Variants in MAP3K7CL observed in about 807,000 individuals in gnomAD.
MAP3K7CL encodes the protein MAP3K7 C-terminal-like protein.
Under a neutral mutation model 18.6 loss-of-function variants are expected in MAP3K7CL, and 16 were observed. The ratio of observed to expected loss-of-function variants is 0.86; its 90% CI spans 0.58 to 1.31. The LOEUF (loss-of-function observed/expected upper bound fraction) is 1.31, where lower values mean the gene tolerates loss of function less well. Ranked by LOEUF, MAP3K7CL falls within the 50% of genes most tolerant of loss-of-function variation. MAP3K7CL has a pLI of 0.00. For synonymous variants in MAP3K7CL, 65 were observed against 66.8 expected, an observed-to-expected ratio of 0.97 and a Z score of 0.13; for missense variants, 163 against 174.4, an observed-to-expected ratio of 0.93 and a Z score of 0.37.
At chr21:29,139,607 C>G (rs1010217317) in intron 2 of MAP3K7CL, among the ~76,000 whole-genome samples, 3 of 151,452 alleles carry the variant, frequency 2.0e-5, no homozygotes, top group Non-Finnish European at 2.9e-5. Flanking sequence ...TTTTTTGAGA[C>G]GGAGTCTCAC....
At chr21:29,142,421 G>T (rs1360178771) in intron 2 of MAP3K7CL, among the ~76,000 whole-genome samples, 1 of 152,200 alleles carries the variant, frequency 6.6e-6, no homozygotes, top group African/African-American at 2.4e-5. Context: ...AAGACCTGAG[G>T]TTATGGCTGC....
In MAP3K7CL at chr21:29,175,456, C is replaced by G. The variant is rs2087945308; in HGVS notation, c.*564C>G. ...TACTAAGAATAAATGGTCACATATC[C>G]TAAAAGCTTCTTCATGAAATTATTA... On this transcript the variant is annotated 3_prime_UTR_variant, in exon 5 of 5. Coordinates refer to ENST00000399928, the MANE Select transcript of MAP3K7CL (RefSeq NM_001286620.2). 1 of 152,158 alleles carries G rather than the reference C, an allele frequency of 6.6e-6. No individual in the cohort carries two copies. Among genetic ancestry groups the G allele is most frequent in the South Asian group, 2.1e-4 (1 of 4,832 alleles). 9.4% of individuals were successfully genotyped at this position (152,158 alleles called of 1,614,324 possible). A position where few individuals can be genotyped will look rare whatever the true frequency, so the allele number is the denominator to read the frequency against.
At chr21:29,170,828 AG>A (rs2087808837) in intron 4 of MAP3K7CL, among the ~76,000 whole-genome samples, 1 of 151,792 alleles carries the variant, frequency 6.6e-6, no homozygotes. Context: ...CGGTAGATAC[AG>A]GGTTTCACCA....
chr21:29,132,612 C>T (rs1267637261), intron 1 of MAP3K7CL, among the ~76,000 whole-genome samples: 18 of 152,028 alleles, frequency 1.2e-4, no homozygotes, highest in Non-Finnish European at 2.5e-4. Context: ...CGGGTTCAAG[C>T]GATTTTCTTG....
At chr21:29,157,619 G>A (rs1271443728) in intron 3 of MAP3K7CL, among the ~76,000 whole-genome samples, 13 of 152,178 alleles carry the variant, frequency 8.5e-5, no homozygotes, top group Admixed American at 5.9e-4. Flanking sequence ...CTGAAAGCAC[G>A]TGTGGATATC....
intron 4 of MAP3K7CL, among the ~76,000 whole-genome samples, chr21:29,162,995 C>T (rs912352101): frequency 3.3e-5 from 5 of 152,256 alleles, no homozygotes; most frequent in Middle Eastern, 3.4e-3. Flanking sequence ...CCTGTAATCG[C>T]AGCTACTCAA....
rs535372259 is a variant in MAP3K7CL, at chr21:29,106,600, C to T, written c.370+14019C>T. Among the ~76,000 whole-genome samples, 12 of 152,148 alleles carry T rather than the reference C, an allele frequency of 7.9e-5. No homozygotes were observed. The South Asian group carries it at 1.9e-3, about 24-fold the overall frequency. On this transcript the variant is annotated intron_variant, in intron 4 of 6. Transcript: ENST00000286791. ...ATCTGTACAACCACGTGTGCCAGTTCGGGAACATGACCTCTGGCCAGAAAG... is the reference window on the plus strand; with the variant it reads ...ATCTGTACAACCACGTGTGCCAGTTTGGGAACATGACCTCTGGCCAGAAAG...
intron 4 of MAP3K7CL, among the ~76,000 whole-genome samples, chr21:29,163,154 G>A (rs2146736606): frequency 6.6e-6 from 1 of 152,168 alleles, no homozygotes; most frequent in Non-Finnish European, 1.5e-5. Flanking sequence ...TCAACTTCTA[G>A]AAGTAACATG....
intron 4 of MAP3K7CL, among the ~76,000 whole-genome samples, chr21:29,108,158 G>A (rs992479158): frequency 6.6e-6 from 1 of 152,136 alleles, no homozygotes; most frequent in South Asian, 2.1e-4. Flanking sequence ...TGTATTTTGA[G>A]ACAGGGTCTT....
At chr21:29,170,697 T>C (rs1049349837) in intron 4 of MAP3K7CL, among the ~76,000 whole-genome samples, 8 of 151,826 alleles carry the variant, frequency 5.3e-5, no homozygotes, top group African/African-American at 1.9e-4. Context: ...AGGAGTGCAG[T>C]GATGTGATCT....
At chr21:29,116,927 G>C (rs1199268702) in intron 4 of MAP3K7CL, among the ~76,000 whole-genome samples, 7 of 152,098 alleles carry the variant, frequency 4.6e-5, no homozygotes, top group Non-Finnish European at 7.4e-5. Context: ...AGGCCATAAA[G>C]GGCCCTGCAG....
intron 1 of MAP3K7CL, among the ~76,000 whole-genome samples, chr21:29,079,918 C>G (rs866985893): frequency 6.6e-6 from 1 of 152,094 alleles, no homozygotes; most frequent in Non-Finnish European, 1.5e-5. Flanking sequence ...GTGATTGATT[C>G]TTTTCTTAGT....
chr21:29,087,396 A>G (rs1249810390), intron 1 of MAP3K7CL, among the ~76,000 whole-genome samples: 1 of 152,132 alleles, frequency 6.6e-6, no homozygotes, highest in Non-Finnish European at 1.5e-5. Context: ...ATTTGGACCA[A>G]ATATGTTTTT....
chr21:29,137,232 T>G (rs957743690), intron 2 of MAP3K7CL, among the ~76,000 whole-genome samples: 2 of 152,240 alleles, frequency 1.3e-5, no homozygotes, highest in Non-Finnish European at 2.9e-5. Context: ...ATTACTGACC[T>G]GCAGTTATTT....
rs73897269 is a variant in MAP3K7CL, at chr21:29,167,109, A to G, written c.248+7053A>G. On this transcript the variant is annotated intron_variant, in intron 4 of 4. Coordinates refer to ENST00000399928, the MANE Select transcript of MAP3K7CL (RefSeq NM_001286620.2). The stretch of plus-strand genomic sequence containing the variant: ...AGCCATCTGTAGTGGGTGTGAAACA[A>G]TATGTCATTGTGGTTTTGATTTACA... 2.9e-3 allele frequency among the ~76,000 whole-genome samples: 445 copies of G among 152,342 alleles called. 1 individual carries two copies. Among genetic ancestry groups the G allele is most frequent in the African/African-American group, 0.01 (427 of 41,568 alleles).
chr21:29,134,364 AAGT>A (rs1360675460), intron 2 of MAP3K7CL, among the ~76,000 whole-genome samples: 1 of 152,154 alleles, frequency 6.6e-6, no homozygotes, highest in Non-Finnish European at 1.5e-5. Flanking sequence ...ATTTTAAAAA[AAGT>A]AGTAATTGAA....
upstream of MAP3K7CL, chr21:29,085,736 A>G: frequency 1.1e-6 from 1 of 884,352 alleles, no homozygotes; most frequent in Non-Finnish European, 1.8e-6. Flanking sequence ...TTGAATGCCA[A>G]CGGCATGGTT....
chr21:29,080,001 G>A (rs1036717611), intron 1 of MAP3K7CL, among the ~76,000 whole-genome samples: 4 of 152,178 alleles, frequency 2.6e-5, no homozygotes, highest in Admixed American at 1.3e-4. Context: ...TAATGGGAAC[G>A]AGAAGGGTGA....
upstream of MAP3K7CL, among the ~76,000 whole-genome samples, chr21:29,084,025 A>G (rs1241209580): frequency 6.8e-6 from 1 of 147,972 alleles, no homozygotes; most frequent in Non-Finnish European, 1.5e-5. Flanking sequence ...TATGACATAT[A>G]TGTAATATAA....
Sources: allele counts gnomAD v4.1 joint callset (sites outside exome capture counted in the v4.1 genomes callset), GRCh38; gene constraint gnomAD v4.1.1; transcripts MANE v1.5; gene names NCBI Gene and HGNC (gene_info 2026-07-23, HGNC 2026-07-21).